The following APBB2 variants were observed in gnomAD, a reference collection of about 807,000 sequenced individuals.
APBB2 encodes the protein Fe65-like 1.
A neutral mutation model predicts 82.5 loss-of-function variants in APBB2; 38 were observed. The ratio of observed to expected loss-of-function variants is 0.46; its 90% CI spans 0.36 to 0.60. The LOEUF (loss-of-function observed/expected upper bound fraction) is 0.60. APBB2 is among the 20% of genes least tolerant of loss of function. The pLI is 0.00. For synonymous variants in APBB2, 341 were observed against 368.2 expected, an observed-to-expected ratio of 0.93 and a Z score of 0.85; for missense variants, 772 against 972.3, an observed-to-expected ratio of 0.79 and a Z score of 2.74.
intron 7 of APBB2, among the ~76,000 whole-genome samples, chr4:40,939,195 G>A (rs939997762): frequency 6.6e-6 from 1 of 152,138 alleles, no homozygotes; most frequent in African/African-American, 2.4e-5. Context: ...TCTGTTATAA[G>A]CATCAGAAAA....
chr4:40,961,667 T>TAAAAAAAAAAAAAAAAAAAAAAAAAA lies in APBB2; in HGVS notation c.836-16620_836-16595dup, dbSNP rs60942744. Reference sequence around the variant, plus strand: ...AATAATGAAAGAAAAAAAAAAGATGTAAAAAAAAAAAAAAAAAAAAAAAAA... The same window carrying TAAAAAAAAAAAAAAAAAAAAAAAAAA: ...AATAATGAAAGAAAAAAAAAAGATGTAAAAAAAAAAAAAAAAAAAAAAAAAAAAAAAAAAAAAAAAAAAAAAAAAAA... On this transcript the variant is annotated intron_variant, in intron 6 of 17. Coordinates refer to ENST00000508593, the MANE Select transcript of APBB2 (RefSeq NM_004307.2). 1.3e-4 allele frequency among the ~76,000 whole-genome samples: 9 copies of TAAAAAAAAAAAAAAAAAAAAAAAAAA among 68,252 alleles called. 1 individual carries two copies. The highest frequency in any genetic ancestry group is 9.0e-4 in the Admixed American group (4 of 4,454). The allele number at this position is 68,252 out of a possible 152,430, so 44.8% of individuals were successfully genotyped here. A position where few individuals can be genotyped will look rare whatever the true frequency, so the allele number is the denominator to read the frequency against.
intron 1 of APBB2, among the ~76,000 whole-genome samples, chr4:41,201,583 C>T (rs9991728): frequency 0.2 from 29,669 of 152,106 alleles, 3,884 homozygotes; most frequent in African/African-American, 0.37. Context: ...GAAAAGCACA[C>T]GTGGCTCAGG....
intron 12 of APBB2, among the ~76,000 whole-genome samples, chr4:40,835,000 C>T (rs553162055): frequency 2.0e-4 from 30 of 152,250 alleles, no homozygotes; most frequent in Middle Eastern, 3.4e-3. Flanking sequence ...CATTAAAGTC[C>T]GGGCGCGGTG....
intron 6 of APBB2, among the ~76,000 whole-genome samples, chr4:40,947,291 C>T (rs889578689): frequency 6.6e-6 from 1 of 152,192 alleles, no homozygotes; most frequent in African/African-American, 2.4e-5. Flanking sequence ...GAACTAGACA[C>T]TGAAAAGATA....
chr4:40,825,885 A>G lies in APBB2; in HGVS notation c.1816+2T>C. The G allele has an allele frequency of 6.2e-7, 1 of 1,613,226 alleles. No individual in the cohort carries two copies. Among genetic ancestry groups the G allele is most frequent in the Non-Finnish European group, 8.5e-7 (1 of 1,179,190 alleles). ...TGGAAAGACAATAAACATTTCACAT[A>G]CCGACTGGTTTGTCTACAGGTAACA... On this transcript the variant is annotated splice_donor_variant, in intron 15 of 17. Coordinates refer to ENST00000508593, the MANE Select transcript of APBB2 (RefSeq NM_004307.2). LOFTEE classifies it high-confidence loss of function.
chr4:40,986,325 C>G (rs1800417052), intron 6 of APBB2, among the ~76,000 whole-genome samples: 1 of 152,236 alleles, frequency 6.6e-6, no homozygotes. Context: ...CTACCAGCAT[C>G]CTCCAGGTTT....
At chr4:40,954,987 TG>T (rs11316949) in intron 6 of APBB2, among the ~76,000 whole-genome samples, 146,049 of 152,310 alleles carry the variant, frequency 0.96, 70,231 homozygotes, top group Non-Finnish European at 1. Context: ...ATCTAACTAC[TG>T]GGCTCCACAG....
chr4:41,144,928 T>C (rs1393594319), intron 1 of APBB2, among the ~76,000 whole-genome samples: 6 of 152,210 alleles, frequency 3.9e-5, no homozygotes, highest in African/African-American at 1.4e-4. Context: ...AAGACCAGCC[T>C]GGGCAACAAA....
At chr4:41,112,112 AC>A (rs916821014) in intron 2 of APBB2, among the ~76,000 whole-genome samples, 12 of 152,218 alleles carry the variant, frequency 7.9e-5, no homozygotes, top group Non-Finnish European at 1.2e-4. Context: ...TTCACTGTGC[AC>A]CTGCAGGTGA....
intron 2 of APBB2, among the ~76,000 whole-genome samples, chr4:41,103,889 A>C (rs1746268914): frequency 6.6e-6 from 1 of 152,224 alleles, no homozygotes; most frequent in African/African-American, 2.4e-5. Context: ...CTATCTCATA[A>C]TTCAAGGACA....
intron 6 of APBB2, among the ~76,000 whole-genome samples, chr4:40,973,053 A>G (rs1166539593): frequency 2.0e-5 from 3 of 152,222 alleles, no homozygotes; most frequent in Admixed American, 1.3e-4. Flanking sequence ...CCATAAACAT[A>G]TATTTGAATG....
At chr4:40,983,868 T>C (rs1799745777) in intron 6 of APBB2, among the ~76,000 whole-genome samples, 1 of 152,180 alleles carries the variant, frequency 6.6e-6, no homozygotes, top group South Asian at 2.1e-4. Flanking sequence ...TGAGCCATTG[T>C]GCCTAACTTT....
At chr4:41,181,942 C>CAAAAAAAAAAAAAA (rs35142945) in intron 1 of APBB2, among the ~76,000 whole-genome samples, 2 of 93,872 alleles carry the variant, frequency 2.1e-5, no homozygotes, top group Non-Finnish European at 4.5e-5. Context: ...GAAACTGTCT[C>CAAAAAAAAAAAAAA]AAAAAAAAAA....
intron 2 of APBB2, among the ~76,000 whole-genome samples, chr4:41,114,227 T>C (rs980698348): frequency 2.0e-5 from 3 of 152,140 alleles, no homozygotes; most frequent in South Asian, 2.1e-4. Flanking sequence ...AAAAACCACA[T>C]GATTATCTCA....
chr4:40,995,541 A>G (rs1303703501), intron 6 of APBB2, among the ~76,000 whole-genome samples: 1 of 150,988 alleles, frequency 6.6e-6, no homozygotes. Context: ...ATGTTTAAAA[A>G]AAAAAAATTT....
chr4:40,821,810 A>T, intron 17 of APBB2, 61 bp downstream of exon 17: 1 of 1,572,890 alleles, frequency 6.4e-7, no homozygotes, highest in Non-Finnish European at 8.7e-7. Context: ...GCTATAATGT[A>T]TGGCATATTA....
At chr4:40,871,683 A>C (rs1765559605) in intron 12 of APBB2, among the ~76,000 whole-genome samples, 2 of 152,252 alleles carry the variant, frequency 1.3e-5, no homozygotes, top group African/African-American at 4.8e-5. Flanking sequence ...TGTAGTCCTG[A>C]AAGGACTAAT....
intron 6 of APBB2, among the ~76,000 whole-genome samples, chr4:40,952,561 T>A (rs750198273): frequency 2.4e-4 from 36 of 152,238 alleles, no homozygotes; most frequent in Non-Finnish European, 4.4e-4. Flanking sequence ...CTCTCAAACA[T>A]AAACCAACCC....
intron 1 of APBB2, among the ~76,000 whole-genome samples, chr4:41,166,468 C>T (rs1168328096): frequency 6.6e-6 from 1 of 151,768 alleles, no homozygotes; most frequent in African/African-American, 2.4e-5. Context: ...GTCCCAGCTA[C>T]TGGCGAGGCT....
Sources: allele counts gnomAD v4.1 joint callset (sites outside exome capture counted in the v4.1 genomes callset), GRCh38; gene constraint gnomAD v4.1.1; transcripts MANE v1.5; gene names NCBI Gene and HGNC (gene_info 2026-07-23, HGNC 2026-07-21).